The following TERT variants were observed in gnomAD, a reference collection of about 807,000 sequenced individuals.
TERT encodes the protein telomerase catalytic subunit.
A neutral mutation model predicts 104.0 loss-of-function variants in TERT; 42 were observed. The observed-to-expected ratio is 0.40, with a 90% CI of 0.32 to 0.52. TERT has a LOEUF of 0.52. Ranked by LOEUF, TERT falls within the 20% of genes least tolerant of loss-of-function variation. The pLI is 0.43. For missense variants in TERT, 1,101 were observed against 1,610.3 expected (o/e 0.68, Z 5.41); for synonymous variants, 781 against 725.6 (o/e 1.08, Z -1.23).
At chr5:1,290,636 A>G (rs1452326847) in intron 2 of TERT, among the ~76,000 whole-genome samples, 1 of 66,314 alleles carries the variant, frequency 1.5e-5, no homozygotes, top group Admixed American at 1.6e-4. Context: ...ACACCCGGGG[A>G]CAGTGCCTCA....
chr5:1,254,728 C>T (rs1488909513), intron 14 of TERT, among the ~76,000 whole-genome samples: 5 of 152,254 alleles, frequency 3.3e-5, no homozygotes, highest in Admixed American at 6.5e-5. Flanking sequence ...AAGCTCAGGA[C>T]CGCAGGTTCG....
intron 2 of TERT, among the ~76,000 whole-genome samples, chr5:1,289,370 C>G (rs1187960339): frequency 2.2e-5 from 3 of 139,024 alleles, no homozygotes; most frequent in South Asian, 2.4e-4. Flanking sequence ...ACAGGGACAC[C>G]CGGGGACGGG....
At chr5:1,276,877 T>C (rs1344651577) in intron 6 of TERT, among the ~76,000 whole-genome samples, 3 of 152,230 alleles carry the variant, frequency 2.0e-5, no homozygotes, top group Non-Finnish European at 4.4e-5. Context: ...TGGACTGCGA[T>C]AGAAGTACAA....
rs570935685 is a variant in TERT, at chr5:1,288,857, G to A, written c.1573+4456C>T. Among the ~76,000 whole-genome samples the A allele has an allele frequency of 2.4e-4, 36 of 152,200 alleles. No homozygotes were observed. The highest frequency in any genetic ancestry group is 4.1e-4 in the Non-Finnish European group (28 of 68,030). ...AAGCGGACCTGAAGCTGTGGCTGCA[G>A]TGCCTGGCACGCGGGAGGCGAGAGC... On this transcript the variant is annotated intron_variant, in intron 2 of 15. Transcript: ENST00000310581. The surrounding 1 kb of genome is among the most constrained non-coding windows in gnomAD (Gnocchi z 5.3).
In TERT at chr5:1,266,503, A is replaced by G; in HGVS notation, c.2615T>C (p.Leu872Ser). 1 of 1,610,812 alleles carries G rather than the reference A, an allele frequency of 6.2e-7. No homozygotes were observed. Among genetic ancestry groups the G allele is most frequent in the Non-Finnish European group, 8.5e-7 (1 of 1,178,554 alleles). ...LLLRLVDDFL[L>S]VTPHLTHAKT... ...CGCGTGGGTGAGGTGAGGTGTCACC[A>G]ACAAGAAATCATCCACCAAACGCAG... Residue 872 changes from leucine to serine, a missense_variant, in exon 10 of 16, where the codon TTG (leucine) becomes TCG (serine). By Grantham distance (145) the Leu-to-Ser change is moderately radical. Coordinates refer to ENST00000310581, the MANE Select transcript of TERT (RefSeq NM_198253.3).
rs1483772161 is a variant in TERT at position 1,268,683 on chromosome 5, T to C, written c.2469-50A>G. ...AGACGGGCAGGGCATGTGCTGGACATGCGTACACTCAAACCGAGCCACACA... is the reference window on the plus strand; with the variant it reads ...AGACGGGCAGGGCATGTGCTGGACACGCGTACACTCAAACCGAGCCACACA... On this transcript the variant is annotated intron_variant, in intron 8 of 15. Transcript: ENST00000310581. This position sits in a 1 kb window ranked among gnomAD's most constrained non-coding sequence, Gnocchi z 5.5. The C allele has an allele frequency of 7.5e-7, 1 of 1,335,052 alleles. No individual in the cohort carries two copies. The highest frequency in any genetic ancestry group is 1.7e-5 in the Admixed American group (1 of 58,798). 82.7% of individuals were successfully genotyped at this position (1,335,052 alleles called of 1,614,324 possible).
In TERT at chr5:1,294,570, C is replaced by G. The variant is rs1751265277; in HGVS notation, c.316G>C (p.Gly106Arg). The G allele has an allele frequency of 6.3e-7, 1 of 1,586,282 alleles. No homozygotes were observed. The highest frequency in any genetic ancestry group is 1.7e-5 in the Admixed American group (1 of 58,732). ...VLAFGFALLD[G>R]ARGGPPEAFT... is the part of the protein sequence containing the mutation. ...GCCTCGGGGGGGCCCCCGCGGGCCC[C>G]GTCCAGCAGCGCGAAGCCGAAGGCC... Residue 106 changes from glycine (G) to arginine (R), a missense_variant, in exon 2 of 16, where the codon GGG (glycine) becomes CGG (arginine). Physicochemically the swap from Gly to Arg is moderately radical, Grantham distance 125 (BLOSUM62 -2). Around this residue, in one of 5 missense-constraint regions of TERT, gnomAD observed 47 missense variants for 105.3 expected, o/e 0.45. Coordinates refer to ENST00000310581, the MANE Select transcript of TERT (RefSeq NM_198253.3).
At chr5:1,279,624 T>C (rs543017728) in intron 4 of TERT, among the ~76,000 whole-genome samples, 154 bp from the exon 5 acceptor site, 2 of 152,262 alleles carry the variant, frequency 1.3e-5, no homozygotes, top group East Asian at 3.9e-4. Context: ...CAGACCCTGT[T>C]TGAAACGGGT....
rs1751234467 is a variant in TERT, at chr5:1,294,327, G to T, written c.559C>A (p.Pro187Thr). The T allele has an allele frequency of 1.3e-6, 2 of 1,583,770 alleles. No individual in the cohort carries two copies. Among genetic ancestry groups the T allele is most frequent in the Non-Finnish European group, 1.7e-6 (2 of 1,171,988 alleles). The change falls in exon 2 of 16, where the codon CCG becomes ACG. Residue 187 changes from proline (P) to threonine (T), a missense_variant. By Grantham distance (38) the Pro-to-Thr change is conservative. Transcript: ENST00000310581. The stretch of plus-strand genomic sequence containing the variant: ...CTTCGGGGTCCACTAGCGTGTGGCG[G>T]GGGCCGGGCCTGAGTGGCAGCGCCG... The part of the protein sequence containing the change: ...QLGAATQARP[P>T]PHASGPRRRL...
rs189972222 is a variant in TERT, at chr5:1,255,183, G to A, written c.3157+104C>T. On this transcript the variant is annotated intron_variant, in intron 14 of 15. Transcript: ENST00000310581. The surrounding 1 kb of genome is among the most constrained non-coding windows in gnomAD (Gnocchi z 6.9). Reference sequence around the variant, plus strand: ...GTTGGGTTAAACCACTTCCTGATGCGAAAAGGGGTAAGAACTTCCTAAGCC... The same window carrying A: ...GTTGGGTTAAACCACTTCCTGATGCAAAAAGGGGTAAGAACTTCCTAAGCC... 5.1e-5 allele frequency: 75 copies of A among 1,476,328 alleles called. No individual in the cohort carries two copies. The South Asian group carries it at 5.9e-4, about 12-fold the overall frequency. The allele number at this position is 1,476,328 out of a possible 1,614,324, so 91.5% of individuals were successfully genotyped here.
intron 2 of TERT, 21 bp downstream of exon 2, chr5:1,293,292 C>T (rs370503755): frequency 6.2e-7 from 1 of 1,611,614 alleles, no homozygotes; most frequent in Non-Finnish European, 8.5e-7. Flanking sequence ...CCTGGGCCCT[C>T]GACGGCCACC....
rs1306301792 is a variant in TERT, at chr5:1,261,451, A to T, written c.2844-851T>A. On this transcript the variant is annotated intron_variant, in intron 11 of 15. Transcript: ENST00000310581. This position sits in a 1 kb window ranked among gnomAD's most constrained non-coding sequence, Gnocchi z 7.4. ...CCGTGATAATGTCTGGTCACTTCAG[A>T]AGTGGAATTACTGGGAAGACACAGG... Among the ~76,000 whole-genome samples, 1 of 152,186 alleles carries T rather than the reference A, an allele frequency of 6.6e-6. No individual in the cohort carries two copies. Among genetic ancestry groups the T allele is most frequent in the Admixed American group, 6.5e-5 (1 of 15,284 alleles).
intron 2 of TERT, among the ~76,000 whole-genome samples, chr5:1,283,227 C>T (rs1446931071): frequency 7.1e-6 from 1 of 140,362 alleles, no homozygotes; most frequent in Non-Finnish European, 1.6e-5. Flanking sequence ...GGCCTGGTGA[C>T]CTCACCCCGG....
rs1174647577 is a variant in TERT at position 1,257,902 on chromosome 5, G to A, written c.3032+696C>T. On this transcript the variant is annotated intron_variant, in intron 13 of 15. Transcript: ENST00000310581. The surrounding 1 kb of genome is among the most constrained non-coding windows in gnomAD (Gnocchi z 5.6). ...CCAGTGGCTCGGGAGGCCTGTTGAGGTGGAGGCCCGGGCCTGTGGTGCCCG... is the reference window on the plus strand; with the variant it reads ...CCAGTGGCTCGGGAGGCCTGTTGAGATGGAGGCCCGGGCCTGTGGTGCCCG... Among the ~76,000 whole-genome samples, 1 of 152,226 alleles carries A rather than the reference G, an allele frequency of 6.6e-6. No individual in the cohort carries two copies. The highest frequency in any genetic ancestry group is 1.5e-5 in the Non-Finnish European group (1 of 68,040).
At chr5:1,258,016 C>G (rs938092134) in intron 13 of TERT, among the ~76,000 whole-genome samples, 1 of 152,254 alleles carries the variant, frequency 6.6e-6, no homozygotes, top group African/African-American at 2.4e-5. Flanking sequence ...CAGATTGGCC[C>G]TTCCCTCTGT....
At chr5:1,293,232 G>A (rs986729457) in intron 2 of TERT, 81 bp downstream of exon 2, 165 of 1,566,810 alleles carry the variant, frequency 1.1e-4, no homozygotes, top group Non-Finnish European at 1.8e-5. Context: ...AGGAGGACCA[G>A]GGCTCTGCCT....
intron 7 of TERT, among the ~76,000 whole-genome samples, chr5:1,271,449 C>CCCA (rs1749027322): frequency 6.6e-6 from 1 of 152,118 alleles, no homozygotes. Context: ...TGGGCTCACA[C>CCCA]CCACACAGCC....
chr5:1,258,446 C>CAT (rs1185855660), intron 13 of TERT, 152 bp downstream of exon 13: 6 of 755,698 alleles, frequency 7.9e-6, no homozygotes, highest in African/African-American at 5.2e-5. Flanking sequence ...GCCACGCGAA[C>CAT]AGAACTGTGC....
At chr5:1,272,341 C>A (rs1749108614) in intron 6 of TERT, 61 bp from the exon 7 acceptor site, 1 of 1,401,240 alleles carries the variant, frequency 7.1e-7, no homozygotes, top group Non-Finnish European at 1.0e-6. Flanking sequence ...GAGCTGGGCA[C>A]TTGTTTCTTC....
Sources: allele counts gnomAD v4.1 joint callset (sites outside exome capture counted in the v4.1 genomes callset), GRCh38; gene constraint gnomAD v4.1.1; regional missense constraint gnomAD v4.1.1; non-coding constraint Gnocchi (gnomAD v3.1); transcripts MANE v1.5; gene names NCBI Gene and HGNC (gene_info 2026-07-23, HGNC 2026-07-21).